ADAMTS17: variants seen among roughly 807,000 people sequenced by gnomAD.
ADAMTS17 encodes the protein A disintegrin and metalloproteinase with thrombospondin motifs 17.
ADAMTS17 carries 113 observed loss-of-function variants against 141.5 expected under a neutral mutation model. That is an observed-to-expected ratio of 0.80 (90% CI 0.69 to 0.93). The LOEUF (loss-of-function observed/expected upper bound fraction) is 0.93. Ranked by LOEUF, ADAMTS17 falls within the 40% of genes least tolerant of loss-of-function variation. ADAMTS17 has a pLI of 0.00. For missense variants in ADAMTS17, 1,659 were observed against 1,517.9 expected, an observed-to-expected ratio of 1.09 and a Z score of -1.54; for synonymous variants, 768 against 630.6, an observed-to-expected ratio of 1.22 and a Z score of -3.27.
intron 20 of ADAMTS17, among the ~76,000 whole-genome samples, chr15:99,981,451 C>A (rs1439433744): frequency 1.3e-5 from 2 of 152,196 alleles, no homozygotes; most frequent in Non-Finnish European, 2.9e-5. Context: ...TTGCTTAATT[C>A]TAGCTGGAGT....
chr15:100,059,429 A>G (rs1051914257), intron 15 of ADAMTS17, among the ~76,000 whole-genome samples: 3 of 150,744 alleles, frequency 2.0e-5, no homozygotes, highest in African/African-American at 7.4e-5. Flanking sequence ...AGTTATTAGC[A>G]GGAGGTCAGC....
intron 15 of ADAMTS17, among the ~76,000 whole-genome samples, chr15:100,087,634 T>C (rs2035193853): frequency 6.6e-6 from 1 of 152,198 alleles, no homozygotes; most frequent in Non-Finnish European, 1.5e-5. Context: ...AAAAAGCTTA[T>C]GCACCATGAT....
intron 15 of ADAMTS17, among the ~76,000 whole-genome samples, chr15:100,076,686 T>C (rs1274844499): frequency 6.6e-6 from 1 of 152,170 alleles, no homozygotes; most frequent in Non-Finnish European, 1.5e-5. Flanking sequence ...ATCAGTGTGT[T>C]CATTGTCATT....
intron 2 of ADAMTS17, among the ~76,000 whole-genome samples, chr15:100,336,110 C>T (rs1469827253): frequency 2.0e-5 from 3 of 152,182 alleles, no homozygotes; most frequent in Non-Finnish European, 4.4e-5. Context: ...ACTTCTTTTT[C>T]GTTTGTTTTT....
At chr15:100,264,767 T>A (rs2043650012) in intron 4 of ADAMTS17, among the ~76,000 whole-genome samples, 1 of 150,580 alleles carries the variant, frequency 6.6e-6, no homozygotes, top group Non-Finnish European at 1.5e-5. Flanking sequence ...ACTAAAAAGG[T>A]GAGAGATGGA....
chr15:100,038,970 C>T (rs917240576), intron 18 of ADAMTS17, among the ~76,000 whole-genome samples: 3 of 152,194 alleles, frequency 2.0e-5, no homozygotes, highest in African/African-American at 4.8e-5. Context: ...GCTCTTTATT[C>T]GGTTTCAGTA....
At chr15:100,201,235 T>C (rs977773865) in intron 7 of ADAMTS17, among the ~76,000 whole-genome samples, 6 of 152,122 alleles carry the variant, frequency 3.9e-5, no homozygotes, top group African/African-American at 1.2e-4. Flanking sequence ...TGGGAAGTGA[T>C]TGGATCATGG....
At chr15:100,234,225 A>C (rs2042583000) in intron 7 of ADAMTS17, among the ~76,000 whole-genome samples, 1 of 152,204 alleles carries the variant, frequency 6.6e-6, no homozygotes. Context: ...GCACCTTCAG[A>C]AACAAAGACA....
intron 3 of ADAMTS17, among the ~76,000 whole-genome samples, chr15:100,300,927 GCACT>G (rs1202795608): frequency 1.3e-5 from 2 of 152,196 alleles, no homozygotes; most frequent in Non-Finnish European, 2.9e-5. Flanking sequence ...TTTCCTTGGA[GCACT>G]CACTATTTGT....
intron 3 of ADAMTS17, among the ~76,000 whole-genome samples, chr15:100,307,734 G>A (rs1168853217): frequency 6.6e-6 from 1 of 152,218 alleles, no homozygotes; most frequent in African/African-American, 2.4e-5. Flanking sequence ...CGTGCCGCGT[G>A]CAGTGCCAGG....
In ADAMTS17 at chr15:100,051,606, G is replaced by A. The variant is rs780592158; in HGVS notation, c.2421C>T (p.Ser807=). ...PQDSLFIWTH[S]GWEGCSVQCG... is the part of the protein sequence containing the mutation. ...ACTGCACACTGCACCCTTCCCAGCC[G>A]CTGTGGGTCCAGATGAACAAAGAGT... Residue 807 remains serine, a synonymous_variant, in exon 17 of 22, where the codon AGC becomes AGT. Coordinates refer to ENST00000268070, the MANE Select transcript of ADAMTS17 (RefSeq NM_139057.4). 57 of 1,613,932 alleles carry A rather than the reference G, an allele frequency of 3.5e-5. No homozygotes were observed. The highest frequency in any genetic ancestry group is 1.0e-4 in the Admixed American group (6 of 60,006).
At chr15:100,063,719 C>A (rs1254545741) in intron 15 of ADAMTS17, 4 of 1,290,044 alleles carry the variant, frequency 3.1e-6, no homozygotes, top group Non-Finnish European at 4.0e-6. Context: ...CCACACGGAT[C>A]CTCCGAGCTC....
At chr15:100,126,338 C>T (rs776859515) in intron 12 of ADAMTS17, 1 of 152,226 alleles carries the variant, frequency 6.6e-6, no homozygotes, top group Non-Finnish European at 1.5e-5. Context: ...TCATTCACAA[C>T]AGAAAACAGA....
intron 3 of ADAMTS17, among the ~76,000 whole-genome samples, chr15:100,305,339 C>T (rs1596484568): frequency 6.6e-6 from 1 of 152,210 alleles, no homozygotes; most frequent in Non-Finnish European, 1.5e-5. Context: ...ATTTAGGATG[C>T]CAGATTCCTC....
intron 7 of ADAMTS17, among the ~76,000 whole-genome samples, chr15:100,252,909 C>T (rs2043197598): frequency 6.6e-6 from 1 of 152,102 alleles, no homozygotes; most frequent in Admixed American, 6.5e-5. Context: ...AGTCACCTAA[C>T]CCAAAGTGAT....
At chr15:100,153,815 G>C (rs1164801688) in intron 9 of ADAMTS17, among the ~76,000 whole-genome samples, 1 of 152,198 alleles carries the variant, frequency 6.6e-6, no homozygotes, top group Non-Finnish European at 1.5e-5. Context: ...ACAAGACACA[G>C]ACTGATCCTG....
intron 20 of ADAMTS17, among the ~76,000 whole-genome samples, chr15:99,976,906 G>A (rs1251744925): frequency 3.3e-5 from 5 of 152,130 alleles, no homozygotes; most frequent in East Asian, 1.9e-4. Flanking sequence ...GCATTCCACC[G>A]CTCGCCTCTG....
chr15:100,284,671 A>C (rs553200189), intron 3 of ADAMTS17, among the ~76,000 whole-genome samples: 1 of 152,350 alleles, frequency 6.6e-6, no homozygotes, highest in South Asian at 2.1e-4. Flanking sequence ...GACCCACAGC[A>C]TCATTTTTGA....
chr15:100,269,636 G>A (rs538674540), intron 4 of ADAMTS17, among the ~76,000 whole-genome samples: 18 of 152,152 alleles, frequency 1.2e-4, no homozygotes, highest in African/African-American at 3.9e-4. Context: ...GATTCCCTTC[G>A]GGGCTCTGAT....
Sources: allele counts gnomAD v4.1 joint callset (sites outside exome capture counted in the v4.1 genomes callset), GRCh38; gene constraint gnomAD v4.1.1; transcripts MANE v1.5; gene names NCBI Gene and HGNC (gene_info 2026-07-23, HGNC 2026-07-21).